DMAC2L: variants seen among roughly 807,000 people sequenced by gnomAD.
The protein encoded by DMAC2L is distal membrane arm assembly component 2 like.
DMAC2L carries 21 observed loss-of-function variants against 22.5 expected under a neutral mutation model. The ratio of observed to expected loss-of-function variants is 0.93; its 90% CI spans 0.66 to 1.34. The LOEUF (loss-of-function observed/expected upper bound fraction) is 1.34. Among genes scored for constraint, DMAC2L ranks in the 40% most tolerant of loss-of-function variants. The probability of loss-of-function intolerance (pLI) is 0.00; values close to 1 mark genes in which losing one functional copy is unlikely to be tolerated. For missense variants in DMAC2L, 239 were observed against 246.5 expected, an observed-to-expected ratio of 0.97 and a Z score of 0.20; for synonymous variants, 86 against 89.5, an observed-to-expected ratio of 0.96 and a Z score of 0.22.
At chr14:50,314,159 C>A (rs2355896) in intron 1 of DMAC2L, among the ~76,000 whole-genome samples, 86,943 of 152,044 alleles carry the variant, frequency 0.57, 24,857 homozygotes, top group Middle Eastern at 0.64. Context: ...TGTAACTCAC[C>A]ATTCCCATGT....
chr14:50,312,799 C>T (rs2031368003), intron 1 of DMAC2L: 1 of 556,952 alleles, frequency 1.8e-6, no homozygotes, highest in African/African-American at 1.9e-5. Flanking sequence ...CACGGAGGCT[C>T]TTTGTCACAG....
rs2139334960 is a variant in DMAC2L at position 50,326,885 on chromosome 14, TTAAAAATTA to T, written c.*1163_*1171del. ...GTGAGACCCCATCTCTAAAAAAATTTTAAAAATTAGGCAGGCATGGTGGTGCATACCTGT... is the reference window on the plus strand; with the variant it reads ...GTGAGACCCCATCTCTAAAAAAATTTGGCAGGCATGGTGGTGCATACCTGT... On this transcript the variant is annotated 3_prime_UTR_variant, in exon 6 of 6. Transcript: ENST00000557421. The T allele has an allele frequency of 2.4e-6, 1 of 412,722 alleles. No homozygotes were observed. Among genetic ancestry groups the T allele is most frequent in the East Asian group, 1.6e-4 (1 of 6,246 alleles). The allele number at this position is 412,722 out of a possible 1,614,324, so 25.6% of individuals were successfully genotyped here.
chr14:50,319,646 CAG>C (rs1339508580), intron 2 of DMAC2L, among the ~76,000 whole-genome samples: 1 of 152,176 alleles, frequency 6.6e-6, no homozygotes, highest in Non-Finnish European at 1.5e-5. Context: ...AGATTTCATC[CAG>C]GTGATCTAAA....
At chr14:50,315,045 C>T (rs140698599) in intron 2 of DMAC2L, among the ~76,000 whole-genome samples, 95 of 151,952 alleles carry the variant, frequency 6.3e-4, no homozygotes, top group African/African-American at 2.1e-3. Flanking sequence ...CAGCTCACTG[C>T]AAGCTCTGCC....
At chr14:50,315,349 C>T (rs1207792981) in intron 2 of DMAC2L, among the ~76,000 whole-genome samples, 4 of 151,932 alleles carry the variant, frequency 2.6e-5, no homozygotes, top group African/African-American at 9.7e-5. Context: ...GTTTTCCATT[C>T]CTGAGTTACT....
chr14:50,312,145 C>A (rs113626637), upstream of DMAC2L: 8,475 of 1,610,192 alleles, frequency 5.3e-3, 32 homozygotes, highest in Non-Finnish European at 6.8e-3. Context: ...GCAGCGCTGG[C>A]ACCATCCCCT....
At chr14:50,321,051 C>A (rs182779447) in intron 2 of DMAC2L, among the ~76,000 whole-genome samples, 1 of 152,148 alleles carries the variant, frequency 6.6e-6, no homozygotes, top group Non-Finnish European at 1.5e-5. Flanking sequence ...ATTTTCATGT[C>A]TCCTCTTCTT....
In DMAC2L at chr14:50,322,720, G is replaced by A; in HGVS notation, c.316+1G>A. On this transcript the variant is annotated splice_donor_variant, in intron 4 of 5. Coordinates refer to ENST00000557421, the MANE Select transcript of DMAC2L (RefSeq NM_001382507.1). LOFTEE classifies it high-confidence loss of function. Reference sequence around the variant, plus strand: ...ATGAGCATTGGATTTGATCACATGGGTAACTACCCTATCGTTTTGCTAATA... The same window carrying A: ...ATGAGCATTGGATTTGATCACATGGATAACTACCCTATCGTTTTGCTAATA... The A allele has an allele frequency of 6.2e-7, 1 of 1,614,164 alleles. No homozygotes were observed. Among genetic ancestry groups the A allele is most frequent in the Non-Finnish European group, 8.5e-7 (1 of 1,180,026 alleles).
At chr14:50,312,971 T>G in intron 1 of DMAC2L, 1 of 1,613,532 alleles carries the variant, frequency 6.2e-7, no homozygotes, top group Non-Finnish European at 8.5e-7. Flanking sequence ...TTGCCACCAT[T>G]TATAAGTCTG....
chr14:50,316,370 G>A (rs1255793556), intron 2 of DMAC2L, among the ~76,000 whole-genome samples: 2 of 152,188 alleles, frequency 1.3e-5, no homozygotes, highest in East Asian at 3.8e-4. Context: ...TTACTCTGCT[G>A]ACTGTTCCTT....
rs547559164 is a variant in DMAC2L, at chr14:50,312,592, C to T, written c.-42+203C>T. The T allele has an allele frequency of 2.3e-4, 63 of 273,108 alleles. 1 individual carries two copies. The South Asian group carries it at 2.8e-3, about 12-fold the overall frequency. 16.9% of individuals were successfully genotyped at this position (273,108 alleles called of 1,614,324 possible). A position where few individuals can be genotyped will look rare whatever the true frequency, so the allele number is the denominator to read the frequency against. On this transcript the variant is annotated intron_variant, in intron 1 of 5. Coordinates refer to ENST00000557421, the MANE Select transcript of DMAC2L (RefSeq NM_001382507.1). ...AAAATTCTTGTTTGGGCGGGCCCTG[C>T]GGCTTCTTTCTTCCGGCTCGCCCTC... is the stretch of plus-strand genomic sequence containing the variant.
At chr14:50,312,078 C>T, upstream of DMAC2L, 2 of 1,603,978 alleles carry the variant, frequency 1.2e-6, no homozygotes, top group Non-Finnish European at 1.7e-6. Flanking sequence ...CCGCACGCCC[C>T]AGGGGAGCCA....
At chr14:50,316,188 C>T (rs1818984043) in intron 2 of DMAC2L, among the ~76,000 whole-genome samples, 2 of 151,974 alleles carry the variant, frequency 1.3e-5, no homozygotes, top group Non-Finnish European at 1.5e-5. Context: ...TCATATATTT[C>T]TTGGCCATTC....
Position 50,321,477 on chromosome 14 carries a change from G to A in DMAC2L, c.-5-6G>A. Reference sequence around the variant, plus strand: ...ATCTAATGTAAGTACTGTTTTGTGTGTCTAGATCAAATGATGCCGTTTGGA... The same window carrying A: ...ATCTAATGTAAGTACTGTTTTGTGTATCTAGATCAAATGATGCCGTTTGGA... On this transcript the variant is annotated splice_region_variant and splice_polypyrimidine_tract_variant and intron_variant, in intron 2 of 5. Coordinates refer to ENST00000557421, the MANE Select transcript of DMAC2L (RefSeq NM_001382507.1). 6.2e-7 allele frequency: 1 copy of A among 1,613,478 alleles called. No individual in the cohort carries two copies. Among genetic ancestry groups the A allele is most frequent in the South Asian group, 1.1e-5 (1 of 91,068 alleles).
chr14:50,312,083 G>C (rs1206971329), upstream of DMAC2L: 2 of 1,605,368 alleles, frequency 1.2e-6, no homozygotes, highest in South Asian at 2.2e-5. Context: ...CGCCCCAGGG[G>C]AGCCACCGGC....
In DMAC2L at chr14:50,326,655, AC is replaced by A; in HGVS notation, c.*933del. 3 of 985,340 alleles carry A rather than the reference AC, an allele frequency of 3.0e-6. No individual in the cohort carries two copies. The highest frequency in any genetic ancestry group is 3.6e-6 in the Non-Finnish European group (3 of 829,806). The allele number at this position is 985,340 out of a possible 1,614,324, so 61.0% of individuals were successfully genotyped here. A position where few individuals can be genotyped will look rare whatever the true frequency, so the allele number is the denominator to read the frequency against. On this transcript the variant is annotated 3_prime_UTR_variant, in exon 6 of 6. Coordinates refer to ENST00000557421, the MANE Select transcript of DMAC2L (RefSeq NM_001382507.1). ...TATTTTATTAAAACTGGACATAGATACTTGGCTGAATACAAATAGTTTTGCA... is the reference window on the plus strand; with the variant it reads ...TATTTTATTAAAACTGGACATAGATATTGGCTGAATACAAATAGTTTTGCA...
upstream of DMAC2L, among the ~76,000 whole-genome samples, chr14:50,311,736 GTAAC>G (rs1421289445): frequency 2.0e-5 from 3 of 152,232 alleles, no homozygotes; most frequent in African/African-American, 7.2e-5. Context: ...AGGAGGTTAA[GTAAC>G]TAGCCCAGAG....
chr14:50,322,859 T>C, intron 4 of DMAC2L, 140 bp downstream of exon 4: 1 of 1,488,934 alleles, frequency 6.7e-7, no homozygotes. Flanking sequence ...TTCCTGTGTT[T>C]GATATTTATT....
Position 50,321,523 on chromosome 14 carries a change from T to C in DMAC2L, c.36T>C (p.Cys12=). The C allele has an allele frequency of 2.5e-6, 4 of 1,614,134 alleles. No individual in the cohort carries two copies. The highest frequency in any genetic ancestry group is 2.5e-6 in the Non-Finnish European group (3 of 1,179,980). The change falls in exon 3 of 6, where the codon TGT becomes TGC. Residue 12 remains cysteine (C), a synonymous_variant. Transcript: ENST00000557421. ...MPFGKISQQL[C]GVKKLPWSCD... The stretch of plus-strand genomic sequence containing the variant: ...TTGGAAAAATTTCCCAGCAGTTGTG[T>C]GGCGTAAAGAAACTCCCATGGTCAT...
Sources: gnomAD v4.1 joint callset for allele counts (sites outside exome capture counted in the v4.1 genomes callset) on GRCh38, gnomAD v4.1.1 for gene constraint, MANE v1.5 for transcripts, NCBI Gene and HGNC (gene_info 2026-07-23, HGNC 2026-07-21) for gene names.